PDE4D: variants seen among roughly 807,000 people sequenced by gnomAD.
PDE4D encodes phosphodiesterase 4D, also known as 3',5'-cyclic-AMP phosphodiesterase 4D.
Under a neutral mutation model 87.4 loss-of-function variants are expected in PDE4D, and 24 were observed. The ratio of observed to expected loss-of-function variants is 0.27; its 90% CI spans 0.20 to 0.39. PDE4D has a LOEUF of 0.39. Among genes scored for constraint, PDE4D ranks in the 10% least tolerant of loss-of-function variants. The probability of loss-of-function intolerance (pLI) is 1.00; values close to 1 mark genes in which losing one functional copy is unlikely to be tolerated. For synonymous variants in PDE4D, 384 were observed against 383.2 expected (o/e 1.00, Z -0.02); for missense variants, 714 against 1,041.0 (o/e 0.69, Z 4.32).
At chr5:59,878,098 A>G (rs886600974) in intron 1 of PDE4D, among the ~76,000 whole-genome samples, 5 of 152,186 alleles carry the variant, frequency 3.3e-5, no homozygotes, top group Non-Finnish European at 7.3e-5. Flanking sequence ...TGAAAAAGAA[A>G]GTTCATTTGT....
chr5:60,343,918 C>T (rs80190262), intron 1 of PDE4D, among the ~76,000 whole-genome samples: 5,402 of 151,598 alleles, frequency 0.036, 239 homozygotes, highest in African/African-American at 0.1. Flanking sequence ...CTTCCCTCAG[C>T]TGCATAGCCA....
chr5:59,989,341 C>A (rs973071122), intron 2 of PDE4D, among the ~76,000 whole-genome samples: 1 of 151,708 alleles, frequency 6.6e-6, no homozygotes, highest in Non-Finnish European at 1.5e-5. Context: ...GTATTATAAT[C>A]TTATGGCCAC....
rs373394903 is a variant in PDE4D at position 59,293,639 on chromosome 5, G to A, written c.456-77671C>T. On this transcript the variant is annotated intron_variant, in intron 1 of 14. Transcript: ENST00000340635. ...AAAAAGCACAGGATATTCAAACAGA[G>A]GCCCAATAACCAAATGCATTTTTTC... 1.9e-4 allele frequency among the ~76,000 whole-genome samples: 29 copies of A among 152,240 alleles called. No individual in the cohort carries two copies. In the South Asian group the frequency reaches 5.4e-3, roughly 28 times the overall value.
chr5:59,677,269 C>T lies in PDE4D; in HGVS notation c.455+215899G>A, dbSNP rs181839278. Reference sequence around the variant, plus strand: ...ATTAAAATGTTTCTCTGACATTTTGCAGTCTTACACAGTGATTTAATTTAT... The same window carrying T: ...ATTAAAATGTTTCTCTGACATTTTGTAGTCTTACACAGTGATTTAATTTAT... On this transcript the variant is annotated intron_variant, in intron 1 of 14. Coordinates refer to ENST00000340635, the MANE Select transcript of PDE4D (RefSeq NM_001104631.2). Among the ~76,000 whole-genome samples, 15 of 152,190 alleles carry T rather than the reference C, an allele frequency of 9.9e-5. No individual in the cohort carries two copies. In the East Asian group the frequency reaches 2.9e-3, roughly 29 times the overall value.
chr5:60,236,704 C>A (rs567713523), intron 1 of PDE4D, among the ~76,000 whole-genome samples: 2 of 151,850 alleles, frequency 1.3e-5, no homozygotes, highest in East Asian at 3.9e-4. Flanking sequence ...AGTGGAAGAC[C>A]CAGGCAGAAG....
chr5:59,309,514 C>G (rs1772141800), intron 1 of PDE4D, among the ~76,000 whole-genome samples: 1 of 152,146 alleles, frequency 6.6e-6, no homozygotes, highest in Admixed American at 6.5e-5. Flanking sequence ...ACTTCTCTTG[C>G]AAACAGACCT....
chr5:59,148,943 C>T (rs555999416), intron 5 of PDE4D, among the ~76,000 whole-genome samples: 5 of 152,156 alleles, frequency 3.3e-5, no homozygotes, highest in South Asian at 4.2e-4. Flanking sequence ...CATTAGGCTG[C>T]GGAATCCTGC....
At chr5:59,246,896 A>G (rs1758952532) in intron 1 of PDE4D, among the ~76,000 whole-genome samples, 1 of 151,896 alleles carries the variant, frequency 6.6e-6, no homozygotes, top group African/African-American at 2.4e-5. Flanking sequence ...TCAAATACAC[A>G]GATACATTAT....
chr5:60,475,865 T>C (rs1748277151), intron 1 of PDE4D, among the ~76,000 whole-genome samples: 1 of 142,158 alleles, frequency 7.0e-6, no homozygotes, highest in Non-Finnish European at 1.5e-5. Flanking sequence ...CCGCATCACA[T>C]AGCGTTGCAG....
At chr5:60,312,559 G>A (rs929363017) in intron 1 of PDE4D, among the ~76,000 whole-genome samples, 1 of 152,204 alleles carries the variant, frequency 6.6e-6, no homozygotes, top group Admixed American at 6.5e-5. Flanking sequence ...GCAGGATGGA[G>A]TGAGTGCAAG....
intron 1 of PDE4D, among the ~76,000 whole-genome samples, chr5:59,279,520 C>A (rs147851491): frequency 6.6e-6 from 1 of 151,920 alleles, no homozygotes; most frequent in Non-Finnish European, 1.5e-5. Flanking sequence ...AGGAGAAGTC[C>A]GGAGTATTAT....
chr5:59,556,774 A>T (rs1561199072), intron 1 of PDE4D, among the ~76,000 whole-genome samples: 3 of 151,648 alleles, frequency 2.0e-5, no homozygotes, highest in Non-Finnish European at 2.9e-5. Flanking sequence ...ATTCTGAATT[A>T]AAAAAAAATT....
At chr5:59,993,295 TA>T (rs1763197845) in intron 2 of PDE4D, among the ~76,000 whole-genome samples, 1 of 152,180 alleles carries the variant, frequency 6.6e-6, no homozygotes, top group African/African-American at 2.4e-5. Flanking sequence ...ATTTTAGACA[TA>T]GTTTAATAAA....
At chr5:59,738,270 T>C (rs1011516383) in intron 1 of PDE4D, among the ~76,000 whole-genome samples, 1 of 152,150 alleles carries the variant, frequency 6.6e-6, no homozygotes, top group Non-Finnish European at 1.5e-5. Context: ...AAACATCACA[T>C]TTGTCATACA....
At chr5:58,996,527 T>C (rs1749270956) in intron 6 of PDE4D, among the ~76,000 whole-genome samples, 1 of 152,168 alleles carries the variant, frequency 6.6e-6, no homozygotes, top group African/African-American at 2.4e-5. Context: ...ATTGCTAGAA[T>C]CTCAGCAGTC....
At chr5:59,919,846 A>T (rs1754475751) in intron 3 of PDE4D, among the ~76,000 whole-genome samples, 1 of 152,230 alleles carries the variant, frequency 6.6e-6, no homozygotes, top group South Asian at 2.1e-4. Flanking sequence ...ATAATGTGGC[A>T]AAGATTAATT....
At chr5:59,748,159 T>C (rs974657096) in intron 1 of PDE4D, among the ~76,000 whole-genome samples, 4 of 152,152 alleles carry the variant, frequency 2.6e-5, no homozygotes, top group African/African-American at 7.2e-5. Context: ...GGTTGGCACA[T>C]GTGAGCAGAA....
chr5:60,360,149 G>C (rs1759941521), intron 1 of PDE4D, among the ~76,000 whole-genome samples: 1 of 152,156 alleles, frequency 6.6e-6, no homozygotes, highest in African/African-American at 2.4e-5. Flanking sequence ...TGACCTGGGA[G>C]CAGGGGTGAG....
At chr5:60,012,721 C>T in intron 2 of PDE4D, among the ~76,000 whole-genome samples, 1 of 152,042 alleles carries the variant, frequency 6.6e-6, no homozygotes, top group South Asian at 2.1e-4. Context: ...TGTGGGAGTC[C>T]CCTTTTTAGG....
Sources: allele counts gnomAD v4.1 joint callset (sites outside exome capture counted in the v4.1 genomes callset), GRCh38; gene constraint gnomAD v4.1.1; transcripts MANE v1.5; gene names NCBI Gene and HGNC (gene_info 2026-07-23, HGNC 2026-07-21).